THADA: variants seen among roughly 807,000 people sequenced by gnomAD.
THADA encodes the protein tRNA (32-2'-O)-methyltransferase regulator THADA.
In THADA, 213 loss-of-function variants were observed where a neutral mutation model predicts 219.8. That is an observed-to-expected ratio of 0.97 (90% CI 0.87 to 1.09). THADA has a LOEUF of 1.09. THADA is among the 50% of genes least tolerant of loss of function. The pLI, the probability that THADA is intolerant of heterozygous loss-of-function variation, is 0.00. For missense variants in THADA, 2,956 were observed against 2,311.3 expected (o/e 1.28, Z -5.72); for synonymous variants, 1,018 against 828.9 (o/e 1.23, Z -3.92).
intron 30 of THADA, among the ~76,000 whole-genome samples, chr2:43,342,275 A>G (rs1667147485): frequency 6.6e-6 from 1 of 152,214 alleles, no homozygotes; most frequent in Non-Finnish European, 1.5e-5. Context: ...CTTTACCGGC[A>G]TTTCAGACAC....
chr2:43,345,570 C>T (rs1184256546), intron 29 of THADA, among the ~76,000 whole-genome samples: 1 of 152,168 alleles, frequency 6.6e-6, no homozygotes, highest in African/African-American at 2.4e-5. Context: ...CCAAACCACC[C>T]GACGTGGAGT....
At chr2:43,423,326 T>A (rs1677966621) in intron 28 of THADA, among the ~76,000 whole-genome samples, 1 of 152,194 alleles carries the variant, frequency 6.6e-6, no homozygotes. Context: ...TTTCCCTATC[T>A]CCTCAAAAGA....
At chr2:43,492,578 A>G (rs941440699) in intron 25 of THADA, among the ~76,000 whole-genome samples, 2 of 152,206 alleles carry the variant, frequency 1.3e-5, no homozygotes, top group African/African-American at 4.8e-5. Flanking sequence ...GATGGGATCC[A>G]CACATGACAC....
Position 43,268,585 on chromosome 2 carries a change from T to C in THADA, c.5296+11180A>G, listed in dbSNP as rs117596721. Among the ~76,000 whole-genome samples, 246 of 152,274 alleles carry C rather than the reference T, an allele frequency of 1.6e-3. 4 individuals carry two copies. In the East Asian group the frequency reaches 0.031, roughly 19 times the overall value. On this transcript the variant is annotated intron_variant, in intron 36 of 37. Coordinates refer to ENST00000405975, the MANE Select transcript of THADA (RefSeq NM_022065.5). ...TCTTCTGGGAGATTTGAGAACAGAA[T>C]TGGAGTTTGGTGGGTAGGATGAGGG...
intron 35 of THADA, among the ~76,000 whole-genome samples, chr2:43,284,394 A>C (rs533541374): frequency 5.3e-5 from 8 of 152,268 alleles, no homozygotes; most frequent in African/African-American, 1.7e-4. Flanking sequence ...GCTGTGACTA[A>C]AAGGGGCCAA....
At chr2:43,511,455 AC>A (rs1474334076) in intron 22 of THADA, among the ~76,000 whole-genome samples, 1 of 152,126 alleles carries the variant, frequency 6.6e-6, no homozygotes, top group Non-Finnish European at 1.5e-5. Context: ...CCCTGCATGA[AC>A]TTTCAGTGGC....
At chr2:43,301,079 T>A (rs1161047956) in intron 31 of THADA, among the ~76,000 whole-genome samples, 1 of 152,164 alleles carries the variant, frequency 6.6e-6, no homozygotes, top group Non-Finnish European at 1.5e-5. Context: ...GGTTTCAAGT[T>A]GGGCGCAGAC....
chr2:43,482,192 GTAA>G (rs1416141900), intron 26 of THADA, among the ~76,000 whole-genome samples: 1 of 152,172 alleles, frequency 6.6e-6, no homozygotes, highest in African/African-American at 2.4e-5. Context: ...AAGTTAAAAT[GTAA>G]TAATATTACT....
At chr2:43,411,965 G>T (rs1405708386) in intron 28 of THADA, among the ~76,000 whole-genome samples, 1 of 152,126 alleles carries the variant, frequency 6.6e-6, no homozygotes, top group Non-Finnish European at 1.5e-5. Context: ...AAGAATACTG[G>T]TCACATCTTT....
intron 31 of THADA, 117 bp downstream of exon 31, chr2:43,320,329 G>C: frequency 3.0e-6 from 2 of 673,398 alleles, no homozygotes; most frequent in Non-Finnish European, 5.1e-6. Flanking sequence ...ATTTTGATGT[G>C]TGGTTAGTCT....
At chr2:43,341,815 T>C (rs894671673) in intron 30 of THADA, among the ~76,000 whole-genome samples, 1 of 152,176 alleles carries the variant, frequency 6.6e-6, no homozygotes, top group African/African-American at 2.4e-5. Flanking sequence ...GGTACTGATG[T>C]GATATGTATC....
intron 26 of THADA, among the ~76,000 whole-genome samples, chr2:43,443,884 G>C (rs1430931404): frequency 6.6e-6 from 1 of 152,198 alleles, no homozygotes; most frequent in Admixed American, 6.5e-5. Context: ...AAGGTGCAGA[G>C]AGCAAGAGTG....
chr2:43,465,767 C>T lies in THADA; in HGVS notation c.3836+19467G>A, dbSNP rs546930935. Among the ~76,000 whole-genome samples, 3 of 152,294 alleles carry T rather than the reference C, an allele frequency of 2.0e-5. No individual in the cohort carries two copies. In the East Asian group the frequency reaches 5.8e-4, roughly 29 times the overall value. Reference sequence around the variant, plus strand: ...TCCTTCATCTGACCTAGACCTCACTCCTATGCTCCAGACCCTACATATCTA... The same window carrying T: ...TCCTTCATCTGACCTAGACCTCACTTCTATGCTCCAGACCCTACATATCTA... On this transcript the variant is annotated intron_variant, in intron 26 of 37. Transcript: ENST00000405975.
intron 29 of THADA, among the ~76,000 whole-genome samples, chr2:43,369,640 C>T (rs1415603858): frequency 2.6e-5 from 4 of 152,142 alleles, no homozygotes; most frequent in Admixed American, 1.3e-4. Context: ...TACCTCAGGC[C>T]TTCATGACCA....
chr2:43,548,864 C>T (rs1276474225), intron 20 of THADA, among the ~76,000 whole-genome samples: 3 of 152,206 alleles, frequency 2.0e-5, no homozygotes, highest in Admixed American at 6.5e-5. Flanking sequence ...GCGCATGGTG[C>T]GCTGCACCCA....
chr2:43,589,607 T>C (rs1701344641), intron 4 of THADA, among the ~76,000 whole-genome samples: 1 of 152,198 alleles, frequency 6.6e-6, no homozygotes, highest in African/African-American at 2.4e-5. Context: ...TCATATGTTC[T>C]CACTCATAAG....
At chr2:43,243,898 G>A (rs185692021) in intron 36 of THADA, among the ~76,000 whole-genome samples, 15 of 152,298 alleles carry the variant, frequency 9.8e-5, no homozygotes, top group Admixed American at 5.9e-4. Flanking sequence ...CCACAGAAGT[G>A]TTACATGCCT....
chr2:43,503,822 C>G (rs1249080976), intron 24 of THADA, among the ~76,000 whole-genome samples: 1 of 152,078 alleles, frequency 6.6e-6, no homozygotes, highest in East Asian at 1.9e-4. Context: ...CATTAATCAC[C>G]TTGAAGTAGA....
intron 1 of THADA, among the ~76,000 whole-genome samples, chr2:43,595,237 G>C (rs1574418212): frequency 6.6e-6 from 1 of 152,166 alleles, no homozygotes; most frequent in South Asian, 2.1e-4. Context: ...AAGAACCTAT[G>C]GTCTGTTTGG....
Sources: gnomAD v4.1 joint callset for allele counts (sites outside exome capture counted in the v4.1 genomes callset) on GRCh38, gnomAD v4.1.1 for gene constraint, MANE v1.5 for transcripts, NCBI Gene and HGNC (gene_info 2026-07-23, HGNC 2026-07-21) for gene names.